RIMS2: variants seen among roughly 807,000 people sequenced by gnomAD.
The protein encoded by RIMS2 is regulating synaptic membrane exocytosis protein 2.
A neutral mutation model predicts 174.4 loss-of-function variants in RIMS2; 59 were observed. That is an observed-to-expected ratio of 0.34 (90% CI 0.27 to 0.42). The LOEUF (loss-of-function observed/expected upper bound fraction) is 0.42. Among genes scored for constraint, RIMS2 ranks in the 10% least tolerant of loss-of-function variants. The pLI is 1.00. For missense variants in RIMS2, 1,620 were observed against 1,666.3 expected (o/e 0.97, Z 0.48); for synonymous variants, 606 against 572.5 (o/e 1.06, Z -0.84).
intron 19 of RIMS2, among the ~76,000 whole-genome samples, chr8:104,114,348 G>A (rs2098245349): frequency 6.6e-6 from 1 of 151,768 alleles, no homozygotes; most frequent in Admixed American, 6.6e-5. Flanking sequence ...ACACAATTTG[G>A]TATTAAATCA....
chr8:103,579,760 C>G (rs903697109), intron 1 of RIMS2, among the ~76,000 whole-genome samples: 3 of 152,152 alleles, frequency 2.0e-5, no homozygotes, highest in Non-Finnish European at 2.9e-5. Flanking sequence ...CTATAAAGAA[C>G]TACCTGAGAC....
intron 3 of RIMS2, among the ~76,000 whole-genome samples, chr8:103,786,227 G>C (rs1021518544): frequency 2.0e-5 from 3 of 151,966 alleles, no homozygotes; most frequent in Non-Finnish European, 4.4e-5. Context: ...ACCAGCTCCT[G>C]GATTCATTAA....
intron 1 of RIMS2, among the ~76,000 whole-genome samples, chr8:103,587,443 A>AGAAAGAAG (rs1563899048): frequency 8.0e-6 from 1 of 124,932 alleles, no homozygotes; most frequent in Admixed American, 7.6e-5. Flanking sequence ...AAAGAAAGAA[A>AGAAAGAAG]GAAAGAAAGA....
chr8:103,508,495 G>T (rs1300602762), intron 1 of RIMS2, among the ~76,000 whole-genome samples: 1 of 151,426 alleles, frequency 6.6e-6, no homozygotes, highest in Non-Finnish European at 1.5e-5. Context: ...GCAGGACATG[G>T]TCAAGAAGTT....
At position 103,787,076 on chromosome 8, in the gene RIMS2, A is replaced by G. The variant is rs571881677; in HGVS notation, c.698+20539A>G. Among the ~76,000 whole-genome samples the G allele has an allele frequency of 2.0e-5, 3 of 147,668 alleles. No individual in the cohort carries two copies. In the South Asian group the frequency reaches 6.8e-4, roughly 33 times the overall value. ...TTGTTGGTTTAAAGTCTGTTTTATCAGAGACTAGGATTGCAACCCCTGCCT... is the reference window on the plus strand; with the variant it reads ...TTGTTGGTTTAAAGTCTGTTTTATCGGAGACTAGGATTGCAACCCCTGCCT... On this transcript the variant is annotated intron_variant, in intron 3 of 23. Coordinates refer to ENST00000504942, the Ensembl canonical transcript of RIMS2.
chr8:104,049,784 C>A (rs2096755709), intron 19 of RIMS2, among the ~76,000 whole-genome samples: 1 of 152,148 alleles, frequency 6.6e-6, no homozygotes, highest in African/African-American at 2.4e-5. Flanking sequence ...AAGACATAGT[C>A]TACCACTTTT....
chr8:104,228,813 A>G (rs931104403), intron 19 of RIMS2, among the ~76,000 whole-genome samples: 1 of 152,208 alleles, frequency 6.6e-6, no homozygotes, highest in Admixed American at 6.5e-5. Context: ...GTAACAAATC[A>G]TTCCATAAAT....
At chr8:103,610,945 T>C (rs1229585201) in intron 1 of RIMS2, among the ~76,000 whole-genome samples, 2 of 152,204 alleles carry the variant, frequency 1.3e-5, no homozygotes, top group African/African-American at 2.4e-5. Context: ...CGTGAATCCT[T>C]CTGGGCCTGG....
At chr8:103,989,308 G>T in exon 17 of RIMS2, 5 of 1,585,026 alleles carry the variant, frequency 3.2e-6, no homozygotes, top group Non-Finnish European at 4.3e-6. Flanking sequence ...GTTTTAGTCG[G>T]AATGTGGAAC....
intron 19 of RIMS2, among the ~76,000 whole-genome samples, chr8:104,183,658 A>G (rs934414633): frequency 1.3e-5 from 2 of 151,664 alleles, no homozygotes; most frequent in African/African-American, 2.4e-5. Flanking sequence ...ATTGTTAGGA[A>G]ATACTGCAGG....
intron 1 of RIMS2, among the ~76,000 whole-genome samples, chr8:103,585,667 G>A (rs2093875330): frequency 6.6e-6 from 1 of 151,852 alleles, no homozygotes; most frequent in South Asian, 2.1e-4. Flanking sequence ...TCATAAGTGG[G>A]AGTTGAACAA....
intron 3 of RIMS2, among the ~76,000 whole-genome samples, chr8:103,779,514 C>T (rs928572745): frequency 6.6e-6 from 1 of 151,856 alleles, no homozygotes; most frequent in Non-Finnish European, 1.5e-5. Context: ...TCCTTTCACC[C>T]TATGAATGTT....
chr8:103,864,447 C>T (rs754027753), intron 3 of RIMS2, among the ~76,000 whole-genome samples: 2 of 152,050 alleles, frequency 1.3e-5, no homozygotes, highest in African/African-American at 4.8e-5. Context: ...CATTTAGGAG[C>T]AAGTTAATTA....
intron 1 of RIMS2, among the ~76,000 whole-genome samples, chr8:103,680,381 C>G (rs1228641129): frequency 5.3e-5 from 8 of 151,930 alleles, no homozygotes; most frequent in Admixed American, 5.3e-4. Flanking sequence ...AAATAAACTT[C>G]AGATTGATTA....
At chr8:103,734,882 G>C (rs2097664906) in intron 2 of RIMS2, among the ~76,000 whole-genome samples, 1 of 151,734 alleles carries the variant, frequency 6.6e-6, no homozygotes, top group Admixed American at 6.6e-5. Flanking sequence ...AATACTGGAG[G>C]GTTCTTCTCT....
intron 3 of RIMS2, among the ~76,000 whole-genome samples, chr8:103,771,294 AT>A (rs1564576533): frequency 6.6e-6 from 1 of 152,118 alleles, no homozygotes; most frequent in Non-Finnish European, 1.5e-5. Flanking sequence ...GTAAAACTGG[AT>A]TTTTTTCTGG....
At chr8:103,912,086 G>T (rs750842639) in exon 6 of RIMS2, 5 of 1,603,382 alleles carry the variant, frequency 3.1e-6, no homozygotes, top group Non-Finnish European at 3.4e-6. Flanking sequence ...TAAAGATGGA[G>T]ATCGTTTAAT....
chr8:103,832,546 C>T (rs2098832296), intron 3 of RIMS2, among the ~76,000 whole-genome samples: 1 of 152,134 alleles, frequency 6.6e-6, no homozygotes, highest in Non-Finnish European at 1.5e-5. Flanking sequence ...CCACCCTCCA[C>T]CCTCCAAAAG....
At chr8:103,623,831 CA>C (rs1220480416) in intron 1 of RIMS2, among the ~76,000 whole-genome samples, 1 of 151,642 alleles carries the variant, frequency 6.6e-6, no homozygotes, top group Non-Finnish European at 1.5e-5. Context: ...TAGAGGTCAT[CA>C]AGTATCAAGT....
Sources: gnomAD v4.1 joint callset for allele counts (sites outside exome capture counted in the v4.1 genomes callset) on GRCh38, gnomAD v4.1.1 for gene constraint, MANE v1.5 for transcripts, NCBI Gene and HGNC (gene_info 2026-07-23, HGNC 2026-07-21) for gene names.